Variants in CYP26B1 observed in about 807,000 individuals in gnomAD.
The protein encoded by CYP26B1 is cytochrome P450 family 26 subfamily B member 1.
A neutral mutation model predicts 39.1 loss-of-function variants in CYP26B1; 8 were observed. The ratio of observed to expected loss-of-function variants is 0.20; its 90% confidence interval spans 0.12 to 0.37. The LOEUF is 0.37. CYP26B1 is among the 10% of genes least tolerant of loss of function. The pLI is 1.00. For missense variants in CYP26B1, 615 were observed against 707.0 expected, an observed-to-expected ratio of 0.87 and a Z score of 1.48; for synonymous variants, 321 against 314.3, an observed-to-expected ratio of 1.02 and a Z score of -0.23.
chr2:72,142,595 T>C lies in CYP26B1; in HGVS notation c.429+1394A>G, dbSNP rs564149369. 1.4e-3 allele frequency among the ~76,000 whole-genome samples: 207 copies of C among 152,280 alleles called. 1 individual carries two copies. Among genetic ancestry groups the C allele is most frequent in the Middle Eastern group, 6.8e-3 (2 of 294 alleles). On this transcript the variant is annotated intron_variant, in intron 2 of 5. Coordinates refer to ENST00000001146, the MANE Select transcript of CYP26B1 (RefSeq NM_019885.4). ...TAAAGCAGAGATCAGGAAGCAGCCA[T>C]CTCTTTTGGAGCCGAGTCTCCACTC...
intron 2 of CYP26B1, among the ~76,000 whole-genome samples, chr2:72,141,321 C>G (rs1477351702): frequency 6.6e-6 from 1 of 152,186 alleles, no homozygotes; most frequent in African/African-American, 2.4e-5. Flanking sequence ...GCAAGACTTT[C>G]TGGACTTTTT....
Position 72,133,074 on chromosome 2 carries a change from G to A in CYP26B1, c.1095C>T (p.Phe365=). ...TGCGGTAGCCGCCGGAAATGGGCGT[G>A]AACAGGCGCATGACCTCCTTGATGA... ...DCVIKEVMRL[F]TPISGGYRTV... is the part of the protein sequence containing the mutation. Residue 365 remains phenylalanine, a synonymous_variant, in exon 5 of 6, where the codon TTC becomes TTT. Transcript: ENST00000001146. 5 of 1,613,272 alleles carry A rather than the reference G, an allele frequency of 3.1e-6. No individual in the cohort carries two copies. The highest frequency in any genetic ancestry group is 4.2e-6 in the Non-Finnish European group (5 of 1,180,002).
In CYP26B1 at chr2:72,147,601, C is replaced by T; in HGVS notation, c.204+30G>A. 4 of 1,589,932 alleles carry T rather than the reference C, an allele frequency of 2.5e-6. No individual in the cohort carries two copies. Among genetic ancestry groups the T allele is most frequent in the Non-Finnish European group, 3.4e-6 (4 of 1,170,726 alleles). On this transcript the variant is annotated intron_variant, in intron 1 of 5. Transcript: ENST00000001146. This position sits in a 1 kb window ranked among gnomAD's most constrained non-coding sequence, Gnocchi z 6.1. Reference sequence around the variant, plus strand: ...CCCCGCGCTCGCAGCTAGCGGACCCCGGAGTGCAGCGGAGCGAGCGCGCCC... The same window carrying T: ...CCCCGCGCTCGCAGCTAGCGGACCCTGGAGTGCAGCGGAGCGAGCGCGCCC...
rs199570744 is a variant in CYP26B1 at position 72,135,426 on chromosome 2, G to A, written c.430-7C>T. 1.2e-6 allele frequency: 2 copies of A among 1,607,718 alleles called. No individual in the cohort carries two copies. The highest frequency in any genetic ancestry group is 2.2e-5 in the East Asian group (1 of 44,888). On this transcript the variant is annotated splice_polypyrimidine_tract_variant and splice_region_variant and intron_variant, in intron 2 of 5. Transcript: ENST00000001146. ...TGAAGATCTTGGAGAAGACCTGGAA[G>A]GCAGAGAGGCAAGTGGGTGAGCCGA...
chr2:72,134,801 C>T lies in CYP26B1; in HGVS notation c.821G>A (p.Ser274Asn), dbSNP rs933042559. The change falls in exon 4 of 6, where the codon AGC (serine) becomes AAC (asparagine). Residue 274 changes from serine to asparagine, a missense_variant. Physicochemically the swap from Ser to Asn is conservative, Grantham distance 46. Transcript: ENST00000001146. ...GGTCATCTCCTTCCCGTGCTCCTTG[C>T]TGCTCTCAATGAGGAGGTCCAGGGC... ...LDALDLLIES[S>N]KEHGKEMTMQ... 1 of 1,614,060 alleles carries T rather than the reference C, an allele frequency of 6.2e-7. No homozygotes were observed. The highest frequency in any genetic ancestry group is 1.3e-5 in the African/African-American group (1 of 74,922).
At chr2:72,132,922 T>A (rs1676635439) in intron 5 of CYP26B1, 101 bp downstream of exon 5, 3 of 1,561,596 alleles carry the variant, frequency 1.9e-6, no homozygotes, top group African/African-American at 2.7e-5. Flanking sequence ...TGTTTCCCCA[T>A]CAGGCCTGAA....
At chr2:72,141,102 C>G (rs1244880252) in intron 2 of CYP26B1, among the ~76,000 whole-genome samples, 1 of 152,182 alleles carries the variant, frequency 6.6e-6, no homozygotes, top group Non-Finnish European at 1.5e-5. Flanking sequence ...AACTGTCTCA[C>G]CCCCACCTTC....
intron 1 of CYP26B1, among the ~76,000 whole-genome samples, chr2:72,145,199 C>T (rs1341439271): frequency 6.6e-6 from 1 of 152,240 alleles, no homozygotes; most frequent in Non-Finnish European, 1.5e-5. Context: ...CGCTCCTGCA[C>T]CCCCGAGGGG....
At chr2:72,145,211 C>A (rs1343089858) in intron 1 of CYP26B1, among the ~76,000 whole-genome samples, 1 of 152,242 alleles carries the variant, frequency 6.6e-6, no homozygotes, top group Admixed American at 6.5e-5. Context: ...CCCGAGGGGA[C>A]AACTCAGTCC....
In CYP26B1 at chr2:72,131,258, G is replaced by A. The variant is rs1024001644; in HGVS notation, c.*969C>T. The A allele has an allele frequency of 6.6e-6, 1 of 152,524 alleles. No homozygotes were observed. The highest frequency in any genetic ancestry group is 2.4e-5 in the African/African-American group (1 of 41,576). The allele number at this position is 152,524 out of a possible 1,614,324, so 9.4% of individuals were successfully genotyped here. A position where few individuals can be genotyped will look rare whatever the true frequency, so the allele number is the denominator to read the frequency against. ...GCACCGGACTTCAGTCCAGGAGTGAGGCTCCGAGATTAAACCCAAATAATG... is the reference window on the plus strand; with the variant it reads ...GCACCGGACTTCAGTCCAGGAGTGAAGCTCCGAGATTAAACCCAAATAATG... On this transcript the variant is annotated 3_prime_UTR_variant, in exon 6 of 6. Transcript: ENST00000001146.
intron 4 of CYP26B1, 54 bp downstream of exon 4, chr2:72,134,707 C>T: frequency 6.3e-7 from 1 of 1,575,630 alleles, no homozygotes; most frequent in Non-Finnish European, 8.6e-7. Context: ...AGGGAAAGCT[C>T]AGAATGGAGC....
At chr2:72,136,141 G>A (rs1192025964) in intron 2 of CYP26B1, among the ~76,000 whole-genome samples, 1 of 152,102 alleles carries the variant, frequency 6.6e-6, no homozygotes, top group African/African-American at 2.4e-5. Flanking sequence ...TGGAGGAGAG[G>A]GGAGCACGTT....
chr2:72,137,698 G>A (rs775148302), intron 2 of CYP26B1, among the ~76,000 whole-genome samples: 3 of 152,228 alleles, frequency 2.0e-5, no homozygotes, highest in Non-Finnish European at 2.9e-5. Context: ...GGGCCCTAGA[G>A]GGCAGGCAGG....
At chr2:72,142,898 G>C (rs531810215) in intron 2 of CYP26B1, 1 of 166,860 alleles carries the variant, frequency 6.0e-6, no homozygotes, top group African/African-American at 2.4e-5. Context: ...CAGTCTCCTC[G>C]GTTTGACCGC....
chr2:72,135,511 G>C, intron 2 of CYP26B1, 92 bp from the exon 3 acceptor site: 1 of 1,554,162 alleles, frequency 6.4e-7, no homozygotes, highest in Non-Finnish European at 8.8e-7. Context: ...TGTGACTGGA[G>C]AGAACTTCAG....
At position 72,132,249 on chromosome 2, in the gene CYP26B1, G is replaced by T. The variant is rs1328372634; in HGVS notation, c.1517C>A (p.Ala506Asp). Residue 506 changes from alanine to aspartate, a missense_variant, in exon 6 of 6, where the codon GCC becomes GAC. Transcript: ENST00000001146. ...GGGTTAGACTGTGGCGCTCAGCATG[G>T]CCTCCGTCTCCGGCAGGATCTCGTT... The part of the protein sequence containing the change: ...NQNEILPETE[A>D]MLSATV 3.1e-6 allele frequency: 5 copies of T among 1,603,546 alleles called. No homozygotes were observed. Among genetic ancestry groups the T allele is most frequent in the South Asian group, 1.1e-5 (1 of 88,998 alleles).
intron 2 of CYP26B1, among the ~76,000 whole-genome samples, chr2:72,140,628 C>A (rs779974671): frequency 6.6e-6 from 1 of 152,192 alleles, no homozygotes; most frequent in Non-Finnish European, 1.5e-5. Flanking sequence ...CCCCGGGACC[C>A]CACAACCGTG....
Position 72,131,729 on chromosome 2 carries a change from C to T in CYP26B1, c.*498G>A, listed in dbSNP as rs1676584079. 2 of 158,290 alleles carry T rather than the reference C, an allele frequency of 1.3e-5. No individual in the cohort carries two copies. Among genetic ancestry groups the T allele is most frequent in the East Asian group, 1.9e-4 (1 of 5,274 alleles). 9.8% of individuals were successfully genotyped at this position (158,290 alleles called of 1,614,324 possible). A position where few individuals can be genotyped will look rare whatever the true frequency, so the allele number is the denominator to read the frequency against. Reference sequence around the variant, plus strand: ...AGGGCAATCTCCAGGTTGGACGCAGCCCCCGCCCCGCCAAGGTTGACTCCT... The same window carrying T: ...AGGGCAATCTCCAGGTTGGACGCAGTCCCCGCCCCGCCAAGGTTGACTCCT... On this transcript the variant is annotated 3_prime_UTR_variant, in exon 6 of 6. Coordinates refer to ENST00000001146, the MANE Select transcript of CYP26B1 (RefSeq NM_019885.4).
chr2:72,139,026 C>T (rs1211442104), intron 2 of CYP26B1, among the ~76,000 whole-genome samples: 1 of 152,212 alleles, frequency 6.6e-6, no homozygotes, highest in Non-Finnish European at 1.5e-5. Flanking sequence ...ACCCCATGGC[C>T]CTGCGTGCTG....
Sources: allele counts gnomAD v4.1 joint callset (sites outside exome capture counted in the v4.1 genomes callset), GRCh38; gene constraint gnomAD v4.1.1; non-coding constraint Gnocchi (gnomAD v3.1); transcripts MANE v1.5; gene names NCBI Gene and HGNC (gene_info 2026-07-23, HGNC 2026-07-21).